Variants in TNIK observed in about 807,000 individuals in gnomAD.
The protein encoded by TNIK is TRAF2 and NCK-interacting protein kinase.
A neutral mutation model predicts 191.3 loss-of-function variants in TNIK; 49 were observed. The ratio of observed to expected loss-of-function variants is 0.26; its 90% CI spans 0.20 to 0.32. The LOEUF (loss-of-function observed/expected upper bound fraction) is 0.32. TNIK is among the 10% of genes least tolerant of loss of function. The probability of loss-of-function intolerance (pLI) is 1.00; values close to 1 mark genes in which losing one functional copy is unlikely to be tolerated. For missense variants in TNIK, 1,155 were observed against 1,702.3 expected, an observed-to-expected ratio of 0.68 and a Z score of 5.66; for synonymous variants, 594 against 600.9, an observed-to-expected ratio of 0.99 and a Z score of 0.17.
chr3:171,305,591 T>C (rs1000438013), intron 2 of TNIK, among the ~76,000 whole-genome samples: 2 of 152,138 alleles, frequency 1.3e-5, no homozygotes, highest in Non-Finnish European at 1.5e-5. Context: ...GATATACATG[T>C]GGCCAGCAAA....
chr3:171,177,254 C>T (rs1220320175), intron 8 of TNIK, 72 bp downstream of exon 8: 1 of 1,512,318 alleles, frequency 6.6e-7, no homozygotes, highest in East Asian at 2.4e-5. Flanking sequence ...GCAACTGCAG[C>T]TCCTGGCAAG....
intron 28 of TNIK, among the ~76,000 whole-genome samples, chr3:171,077,536 G>C (rs1720125687): frequency 6.6e-6 from 1 of 152,116 alleles, no homozygotes; most frequent in Admixed American, 6.5e-5. Flanking sequence ...GGTTGAGCTA[G>C]GACATCAGTC....
Position 171,177,333 on chromosome 3 carries a change from A to G in TNIK, c.687T>C (p.Gly229=), listed in dbSNP as rs1736091948. The part of the protein sequence containing the change: ...LGITAIEMAE[G]APPLCDMHPM... ...CCAGAGGAGGGTACTTACGGGGAGC[A>G]CCTTCTGCCATTTCAATGGCGGTGA... Residue 229 remains glycine (G), a synonymous_variant, in exon 8 of 33, where the codon GGT becomes GGC. Coordinates refer to ENST00000436636, the MANE Select transcript of TNIK (RefSeq NM_015028.4). The G allele has an allele frequency of 6.2e-7, 1 of 1,607,328 alleles. No homozygotes were observed. The highest frequency in any genetic ancestry group is 1.1e-5 in the South Asian group (1 of 89,190).
chr3:171,203,565 T>C (rs1001904300), intron 4 of TNIK, among the ~76,000 whole-genome samples: 1 of 152,236 alleles, frequency 6.6e-6, no homozygotes, highest in African/African-American at 2.4e-5. Context: ...TCCAGACTTT[T>C]CTGTGAAACT....
intron 2 of TNIK, among the ~76,000 whole-genome samples, chr3:171,325,456 TAA>T (rs1350327590): frequency 6.6e-6 from 1 of 152,156 alleles, no homozygotes; most frequent in Non-Finnish European, 1.5e-5. Flanking sequence ...AAATTTTAGA[TAA>T]AGTTAGTATG....
At chr3:171,191,372 A>T (rs1433575433) in intron 5 of TNIK, among the ~76,000 whole-genome samples, 1 of 152,106 alleles carries the variant, frequency 6.6e-6, no homozygotes. Context: ...CCTCCAGAGT[A>T]GCTGGGATTA....
chr3:171,215,299 T>C (rs1741325213), intron 3 of TNIK, among the ~76,000 whole-genome samples: 1 of 152,158 alleles, frequency 6.6e-6, no homozygotes, highest in Non-Finnish European at 1.5e-5. Flanking sequence ...ATGATTGTCA[T>C]CATGTGGTCA....
At chr3:171,321,239 T>C (rs1755135804) in intron 2 of TNIK, among the ~76,000 whole-genome samples, 1 of 152,094 alleles carries the variant, frequency 6.6e-6, no homozygotes, top group Admixed American at 6.6e-5. Flanking sequence ...ATTCAAGACA[T>C]GTAATCAAAA....
chr3:171,210,524 G>GA (rs776948106), intron 4 of TNIK, among the ~76,000 whole-genome samples: 15 of 152,272 alleles, frequency 9.9e-5, no homozygotes, highest in Non-Finnish European at 2.2e-4. Context: ...AACATGAAAG[G>GA]AAAACAACCT....
rs113235612 is a variant in TNIK at position 171,278,122 on chromosome 3, G to A, written c.124-49901C>T. ...GATGGGGACGAACATGACATGCCTC[G>A]AGACCTAGTGTCTAATGTTTTCTGA... On this transcript the variant is annotated intron_variant, in intron 2 of 32. Transcript: ENST00000436636. 4.4e-3 allele frequency among the ~76,000 whole-genome samples: 668 copies of A among 152,256 alleles called. 3 individuals carry two copies. The highest frequency in any genetic ancestry group is 0.015 in the African/African-American group (641 of 41,540).
At chr3:171,212,015 C>T (rs1560269229) in intron 3 of TNIK, among the ~76,000 whole-genome samples, 1 of 152,156 alleles carries the variant, frequency 6.6e-6, no homozygotes, top group Non-Finnish European at 1.5e-5. Flanking sequence ...TGTGTATACA[C>T]ATTGGTTGGA....
At chr3:171,135,489 T>G (rs1729858383) in intron 15 of TNIK, among the ~76,000 whole-genome samples, 2 of 152,236 alleles carry the variant, frequency 1.3e-5, no homozygotes, top group South Asian at 4.1e-4. Flanking sequence ...GTTTCATCTT[T>G]CTTCTAAAAT....
At chr3:171,431,852 T>G (rs189572753) in intron 1 of TNIK, among the ~76,000 whole-genome samples, 12 of 152,326 alleles carry the variant, frequency 7.9e-5, no homozygotes, top group African/African-American at 2.2e-4. Flanking sequence ...GCTGGCAACT[T>G]ACATCCTGCC....
intron 1 of TNIK, among the ~76,000 whole-genome samples, chr3:171,388,540 G>C (rs1719038764): frequency 6.6e-6 from 1 of 152,178 alleles, no homozygotes; most frequent in South Asian, 2.1e-4. Context: ...GAGTTTCCTA[G>C]TGTCTTGGGG....
intron 2 of TNIK, among the ~76,000 whole-genome samples, chr3:171,346,006 G>T (rs190172361): frequency 7.5e-4 from 114 of 152,242 alleles, no homozygotes; most frequent in African/African-American, 2.5e-3. Flanking sequence ...ACATGGTAAG[G>T]GGAACAGGGA....
intron 2 of TNIK, among the ~76,000 whole-genome samples, chr3:171,322,006 C>A (rs1425813946): frequency 6.6e-6 from 1 of 152,136 alleles, no homozygotes; most frequent in African/African-American, 2.4e-5. Context: ...GAAATGTATT[C>A]TAAAACTCTG....
At chr3:171,365,284 G>A (rs1255243725) in intron 2 of TNIK, among the ~76,000 whole-genome samples, 1 of 139,970 alleles carries the variant, frequency 7.1e-6, no homozygotes, top group Non-Finnish European at 1.5e-5. Context: ...CCTCGTTCAA[G>A]TGATTTTCCT....
chr3:171,176,922 T>C (rs1031800287), intron 8 of TNIK, among the ~76,000 whole-genome samples: 1 of 152,252 alleles, frequency 6.6e-6, no homozygotes, highest in African/African-American at 2.4e-5. Flanking sequence ...AGAGGAGTGA[T>C]AGCCATTGAG....
At chr3:171,411,828 C>T (rs377743096) in intron 1 of TNIK, among the ~76,000 whole-genome samples, 4 of 152,162 alleles carry the variant, frequency 2.6e-5, no homozygotes, top group African/African-American at 4.8e-5. Flanking sequence ...AGCTGATCCC[C>T]GCCAGCAACT....
Sources: allele counts gnomAD v4.1 joint callset (sites outside exome capture counted in the v4.1 genomes callset), GRCh38; gene constraint gnomAD v4.1.1; transcripts MANE v1.5; gene names NCBI Gene and HGNC (gene_info 2026-07-23, HGNC 2026-07-21).